The following ZNF528 variants were observed in gnomAD, a reference collection of about 807,000 sequenced individuals.
The protein encoded by ZNF528 is zinc finger protein 528.
ZNF528 carries 9 observed loss-of-function variants against 13.3 expected under a neutral mutation model. The ratio of observed to expected loss-of-function variants is 0.67; its 90% confidence interval spans 0.41 to 1.18. ZNF528 has a LOEUF of 1.18. Among genes scored for constraint, ZNF528 ranks in the 50% most tolerant of loss-of-function variants. The pLI, the probability that ZNF528 is intolerant of heterozygous loss-of-function variation, is 0.01. For synonymous variants in ZNF528, 264 were observed against 254.3 expected, an observed-to-expected ratio of 1.04 and a Z score of -0.36; for missense variants, 858 against 745.4, an observed-to-expected ratio of 1.15 and a Z score of -1.76.
chr19:52,407,391 C>T (rs2058871650), intron 6 of ZNF528, among the ~76,000 whole-genome samples: 1 of 152,190 alleles, frequency 6.6e-6, no homozygotes, highest in African/African-American at 2.4e-5. Flanking sequence ...CTGCCTGCCT[C>T]AGCTTCCCAA....
intron 6 of ZNF528, among the ~76,000 whole-genome samples, chr19:52,409,450 C>G (rs563933329): frequency 1.3e-5 from 2 of 152,008 alleles, no homozygotes; most frequent in South Asian, 4.2e-4. Context: ...ATTACAGGCA[C>G]CCTCCATGAT....
chr19:52,413,822 C>T (rs2058963270), intron 6 of ZNF528: 1 of 189,274 alleles, frequency 5.3e-6, no homozygotes, highest in African/African-American at 2.3e-5. Flanking sequence ...GAACCAGACT[C>T]CACGTGAAGA....
At chr19:52,407,328 T>C (rs2058870599) in intron 6 of ZNF528, among the ~76,000 whole-genome samples, 1 of 152,056 alleles carries the variant, frequency 6.6e-6, no homozygotes, top group South Asian at 2.1e-4. Flanking sequence ...TTTGTGGAGT[T>C]GGGGTTTCAC....
intron 5 of ZNF528, 92 bp from the exon 6 acceptor site, chr19:52,406,423 G>A: frequency 6.6e-7 from 1 of 1,504,102 alleles, no homozygotes; most frequent in Non-Finnish European, 8.9e-7. Flanking sequence ...TACTATTTAT[G>A]ATTTAATTAT....
intron 6 of ZNF528, chr19:52,406,847 A>G: frequency 1.9e-6 from 1 of 536,874 alleles, no homozygotes; most frequent in Non-Finnish European, 2.9e-6. Flanking sequence ...AAGCCACACT[A>G]TTACATAGCG....
At chr19:52,397,941 C>G (rs568575613) in intron 1 of ZNF528, 37 bp downstream of exon 1, 16 of 152,342 alleles carry the variant, frequency 1.1e-4, no homozygotes, top group African/African-American at 3.4e-4. Flanking sequence ...TCTAGGCTAG[C>G]CAGTTCTTCT....
intron 2 of ZNF528, among the ~76,000 whole-genome samples, chr19:52,400,262 ACACG>A (rs1599810413): frequency 6.6e-6 from 1 of 150,470 alleles, no homozygotes; most frequent in African/African-American, 2.4e-5. Flanking sequence ...ACACACACAC[ACACG>A]CCTTTATTTT....
intron 6 of ZNF528, chr19:52,414,270 C>G: frequency 1.4e-6 from 1 of 702,566 alleles, no homozygotes; most frequent in East Asian, 2.7e-5. Flanking sequence ...GGCCACTTGT[C>G]CGACATCCTC....
At chr19:52,403,350 AATG>A (rs2058816796) in intron 4 of ZNF528, among the ~76,000 whole-genome samples, 1 of 152,166 alleles carries the variant, frequency 6.6e-6, no homozygotes, top group Non-Finnish European at 1.5e-5. Flanking sequence ...GAACCAAACT[AATG>A]ATGAAAAATA....
In ZNF528 at chr19:52,410,632, T is replaced by G. The variant is rs182604116; in HGVS notation, c.271+3989T>G. Among the ~76,000 whole-genome samples, 511 of 152,342 alleles carry G rather than the reference T, an allele frequency of 3.4e-3. 3 individuals are homozygous for G. The highest frequency in any genetic ancestry group is 5.6e-3 in the Non-Finnish European group (380 of 68,024). On this transcript the variant is annotated intron_variant, in intron 6 of 6. Coordinates refer to ENST00000360465, the MANE Select transcript of ZNF528 (RefSeq NM_032423.3). ...TACATCTCCCCTTTGTGTTTATGTATTACTGTTACAGATTTGTCTAAGCAT... is the reference window on the plus strand; with the variant it reads ...TACATCTCCCCTTTGTGTTTATGTAGTACTGTTACAGATTTGTCTAAGCAT...
In ZNF528 at chr19:52,406,598, G is replaced by C. The variant is rs2058859155; in HGVS notation, c.226G>C (p.Ala76Pro). Residue 76 changes from alanine to proline, a missense_variant, in exon 6 of 7, where the codon GCA becomes CCA. Coordinates refer to ENST00000360465, the MANE Select transcript of ZNF528 (RefSeq NM_032423.3). ...PWTLQSEEKI[A>P]NDPDGRECIK... is the part of the protein sequence containing the mutation. ...GACTCTGCAGAGTGAAGAGAAAATA[G>C]CAAACGATCCAGACGGCAGGGAGTG... 1 of 1,614,020 alleles carries C rather than the reference G, an allele frequency of 6.2e-7. No homozygotes were observed. Among genetic ancestry groups the C allele is most frequent in the Admixed American group, 1.7e-5 (1 of 60,000 alleles).
intron 2 of ZNF528, among the ~76,000 whole-genome samples, chr19:52,400,514 T>C (rs1042306368): frequency 9.2e-5 from 14 of 152,032 alleles, no homozygotes; most frequent in African/African-American, 3.4e-4. Flanking sequence ...CTAAATCTAG[T>C]TATTTATTTA....
chr19:52,414,283 A>G (rs1419474585), intron 6 of ZNF528: 1 of 702,498 alleles, frequency 1.4e-6, no homozygotes, highest in Non-Finnish European at 2.6e-6. Context: ...ACATCCTCGG[A>G]GTCCCTCTTC....
intron 2 of ZNF528, among the ~76,000 whole-genome samples, chr19:52,399,958 A>AAACAGTGTG (rs1263647201): frequency 2.0e-5 from 3 of 152,110 alleles, no homozygotes; most frequent in Admixed American, 2.0e-4. Flanking sequence ...AGAGTAGTAA[A>AAACAGTGTG]AACAGTGTGG....
In ZNF528 at chr19:52,417,427, A is replaced by G. The variant is rs573515319; in HGVS notation, c.*688A>G. ...GCACACTTTCTCCTGACATAAGTGCACAGAGCTTCAGTGTCCACCAACTGA... is the reference window on the plus strand; with the variant it reads ...GCACACTTTCTCCTGACATAAGTGCGCAGAGCTTCAGTGTCCACCAACTGA... On this transcript the variant is annotated 3_prime_UTR_variant, in exon 7 of 7. Coordinates refer to ENST00000360465, the MANE Select transcript of ZNF528 (RefSeq NM_032423.3). The G allele has an allele frequency of 8.6e-5, 14 of 162,892 alleles. No homozygotes were observed. In the South Asian group the frequency reaches 2.4e-3, roughly 28 times the overall value. The allele number at this position is 162,892 out of a possible 1,614,324, so 10.1% of individuals were successfully genotyped here. A position where few individuals can be genotyped will look rare whatever the true frequency, so the allele number is the denominator to read the frequency against.
In ZNF528 at chr19:52,406,502, C is replaced by T. The variant is rs757476128; in HGVS notation, c.143-13C>T. 4 of 1,611,658 alleles carry T rather than the reference C, an allele frequency of 2.5e-6. No homozygotes were observed. The African/African-American group carries it at 4.0e-5, about 16-fold the overall frequency. ...ATGCCACAGCACACATTTATTCTTT[C>T]TTTTATAAATAGGAATCTGTCTTCC... On this transcript the variant is annotated splice_polypyrimidine_tract_variant and intron_variant, in intron 5 of 6. Coordinates refer to ENST00000360465, the MANE Select transcript of ZNF528 (RefSeq NM_032423.3).
intron 6 of ZNF528, among the ~76,000 whole-genome samples, chr19:52,410,136 G>A (rs918908340): frequency 1.3e-5 from 2 of 152,212 alleles, no homozygotes; most frequent in African/African-American, 4.8e-5. Context: ...TGTACAAGGT[G>A]AGACCTTTAC....
Position 52,416,785 on chromosome 19 carries a change from C to G in ZNF528, c.*46C>G. ...GCAAAACCATCATCATGAGTTCTAGCATTAATCAACATCAGTGAGTCCATA... is the reference window on the plus strand; with the variant it reads ...GCAAAACCATCATCATGAGTTCTAGGATTAATCAACATCAGTGAGTCCATA... On this transcript the variant is annotated 3_prime_UTR_variant, in exon 7 of 7. Transcript: ENST00000360465. 1 of 1,520,182 alleles carries G rather than the reference C, an allele frequency of 6.6e-7. No homozygotes were observed. The highest frequency in any genetic ancestry group is 1.4e-5 in the African/African-American group (1 of 72,602). The allele number at this position is 1,520,182 out of a possible 1,614,324, so 94.2% of individuals were successfully genotyped here.
intron 4 of ZNF528, among the ~76,000 whole-genome samples, chr19:52,403,546 G>C (rs2122521536): frequency 6.6e-6 from 1 of 151,492 alleles, no homozygotes; most frequent in African/African-American, 2.4e-5. Context: ...TGTAGACCCA[G>C]CTACTTGGGC....
Sources: gnomAD v4.1 joint callset for allele counts (sites outside exome capture counted in the v4.1 genomes callset) on GRCh38, gnomAD v4.1.1 for gene constraint, MANE v1.5 for transcripts, NCBI Gene and HGNC (gene_info 2026-07-23, HGNC 2026-07-21) for gene names.